CADPS: variants seen among roughly 807,000 people sequenced by gnomAD.
The protein encoded by CADPS is calcium-dependent secretion activator 1.
In CADPS, 57 loss-of-function variants were observed where a neutral mutation model predicts 167.3. The observed-to-expected ratio is 0.34, with a 90% CI of 0.28 to 0.42. The LOEUF is 0.42. Among genes scored for constraint, CADPS ranks in the 20% least tolerant of loss-of-function variants. The pLI, the probability that CADPS is intolerant of heterozygous loss-of-function variation, is 1.00. For synonymous variants in CADPS, 676 were observed against 635.3 expected, an observed-to-expected ratio of 1.06 and a Z score of -0.96; for missense variants, 1,414 against 1,738.1, an observed-to-expected ratio of 0.81 and a Z score of 3.32.
At chr3:62,467,649 A>T (rs1345609141) in intron 24 of CADPS, among the ~76,000 whole-genome samples, 1 of 152,172 alleles carries the variant, frequency 6.6e-6, no homozygotes, top group Non-Finnish European at 1.5e-5. Flanking sequence ...GTAAAAAACA[A>T]ACAAAAGAGA....
chr3:62,764,376 T>C (rs1258759974), intron 2 of CADPS, among the ~76,000 whole-genome samples: 1 of 152,178 alleles, frequency 6.6e-6, no homozygotes, highest in Non-Finnish European at 1.5e-5. Context: ...TTGACACTCA[T>C]TGGCGATAAT....
At chr3:62,731,845 A>C (rs2077949970) in intron 3 of CADPS, among the ~76,000 whole-genome samples, 1 of 148,292 alleles carries the variant, frequency 6.7e-6, no homozygotes, top group Non-Finnish European at 1.5e-5. Flanking sequence ...AGAAGGAAGA[A>C]AGGAAAGAAA....
intron 11 of CADPS, among the ~76,000 whole-genome samples, chr3:62,537,129 A>C (rs1050017186): frequency 6.6e-6 from 1 of 152,184 alleles, no homozygotes; most frequent in African/African-American, 2.4e-5. Flanking sequence ...CTGCAAAATT[A>C]AAAATAAAAA....
intron 3 of CADPS, among the ~76,000 whole-genome samples, chr3:62,672,221 G>C (rs1406233674): frequency 6.6e-6 from 1 of 151,956 alleles, no homozygotes; most frequent in East Asian, 1.9e-4. Flanking sequence ...GCCTCACCCT[G>C]GGACAGTTTT....
intron 10 of CADPS, chr3:62,550,965 C>G (rs1211267718): frequency 2.2e-6 from 1 of 454,422 alleles, no homozygotes; most frequent in Non-Finnish European, 4.4e-6. Flanking sequence ...TCTGGTGGCT[C>G]CTCCTCCTCC....
intron 1 of CADPS, among the ~76,000 whole-genome samples, chr3:62,808,266 T>G (rs969361257): frequency 1.2e-4 from 19 of 152,114 alleles, no homozygotes; most frequent in African/African-American, 4.6e-4. Context: ...ATTGCTAGCC[T>G]TATGAGAAAA....
In CADPS at chr3:62,478,531, A is replaced by T; in HGVS notation, c.3174-115T>A. 1 of 952,936 alleles carries T rather than the reference A, an allele frequency of 1.0e-6. No homozygotes were observed. Among genetic ancestry groups the T allele is most frequent in the Admixed American group, 2.5e-5 (1 of 40,426 alleles). The allele number at this position is 952,936 out of a possible 1,614,324, so 59.0% of individuals were successfully genotyped here. A position where few individuals can be genotyped will look rare whatever the true frequency, so the allele number is the denominator to read the frequency against. Reference sequence around the variant, plus strand: ...AAACAGCAGCTTCAACATACAAAACAACGTGTGTTGGCGGTGGAGGCGGGG... The same window carrying T: ...AAACAGCAGCTTCAACATACAAAACTACGTGTGTTGGCGGTGGAGGCGGGG... On this transcript the variant is annotated intron_variant, in intron 22 of 29. Coordinates refer to ENST00000383710, the MANE Select transcript of CADPS (RefSeq NM_003716.4). The surrounding 1 kb of genome is among the most constrained non-coding windows in gnomAD (Gnocchi z 5.7).
chr3:62,530,210 G>A (rs752920882), intron 13 of CADPS, among the ~76,000 whole-genome samples: 16 of 152,114 alleles, frequency 1.1e-4, no homozygotes, highest in Non-Finnish European at 2.1e-4. Flanking sequence ...AGAACTAATA[G>A]GTATTTGCTG....
chr3:62,716,119 G>C (rs555329966), intron 3 of CADPS, among the ~76,000 whole-genome samples: 1 of 152,128 alleles, frequency 6.6e-6, no homozygotes, highest in African/African-American at 2.4e-5. Context: ...GAATGTAGTG[G>C]CATGATCTTG....
At chr3:62,870,558 G>C (rs1283914831) in intron 1 of CADPS, among the ~76,000 whole-genome samples, 1 of 152,120 alleles carries the variant, frequency 6.6e-6, no homozygotes, top group Non-Finnish European at 1.5e-5. Context: ...GAATCATACA[G>C]AAATGAGTAG....
chr3:62,492,580 A>G, intron 19 of CADPS, 134 bp from the exon 20 acceptor site: 1 of 883,416 alleles, frequency 1.1e-6, no homozygotes, highest in Non-Finnish European at 1.8e-6. Context: ...TATTGTAAAG[A>G]GAACAGAATT....
intron 17 of CADPS, among the ~76,000 whole-genome samples, chr3:62,501,179 T>G (rs1236388387): frequency 1.3e-5 from 2 of 152,138 alleles, no homozygotes; most frequent in Non-Finnish European, 2.9e-5. Flanking sequence ...TCAGAATAAG[T>G]AGATGTGGGA....
At chr3:62,658,003 G>C (rs1304273401) in intron 4 of CADPS, among the ~76,000 whole-genome samples, 1 of 152,118 alleles carries the variant, frequency 6.6e-6, no homozygotes, top group African/African-American at 2.4e-5. Context: ...AAGCTGCAGG[G>C]AACACACAGC....
In CADPS at chr3:62,544,774, A is replaced by G; in HGVS notation, c.1966+5129T>C. On this transcript the variant is annotated intron_variant, in intron 11 of 29. Transcript: ENST00000383710. The surrounding 1 kb of genome is among the most constrained non-coding windows in gnomAD (Gnocchi z 4.4). ...TAGACATGAGGAAGATTTAAGGGGGAGGGAAGCACATTGCAGGTGTCAGAT... is the reference window on the plus strand; with the variant it reads ...TAGACATGAGGAAGATTTAAGGGGGGGGGAAGCACATTGCAGGTGTCAGAT... 4.3e-6 allele frequency: 3 copies of G among 689,724 alleles called. No individual in the cohort carries two copies. The highest frequency in any genetic ancestry group is 5.1e-5 in the Admixed American group (1 of 19,730). The allele number at this position is 689,724 out of a possible 1,614,324, so 42.7% of individuals were successfully genotyped here.
intron 1 of CADPS, among the ~76,000 whole-genome samples, chr3:62,780,915 A>G (rs114062730): frequency 2.9e-3 from 449 of 152,320 alleles, no homozygotes; most frequent in African/African-American, 0.011. Context: ...GACAATATAT[A>G]AGGGACTTAT....
intron 1 of CADPS, among the ~76,000 whole-genome samples, chr3:62,781,191 T>G (rs2091511603): frequency 6.6e-6 from 1 of 152,186 alleles, no homozygotes; most frequent in South Asian, 2.1e-4. Context: ...AGACTTGTCC[T>G]AGGGCAGACT....
intron 11 of CADPS, among the ~76,000 whole-genome samples, chr3:62,537,968 G>A (rs1292069863): frequency 2.0e-5 from 3 of 152,110 alleles, no homozygotes; most frequent in Non-Finnish European, 4.4e-5. Flanking sequence ...GAGATGTGGC[G>A]TTTATGCCCA....
At chr3:62,862,742 A>T (rs1209406706) in intron 1 of CADPS, among the ~76,000 whole-genome samples, 3 of 152,228 alleles carry the variant, frequency 2.0e-5, no homozygotes, top group Admixed American at 2.0e-4. Context: ...TAAAATAAAG[A>T]TTACATAAAA....
chr3:62,403,059 G>A (rs373772570), intron 29 of CADPS, 22 bp downstream of exon 29: 1 of 1,440,426 alleles, frequency 6.9e-7, no homozygotes, highest in Non-Finnish European at 9.7e-7. Context: ...TTGCAAAGAA[G>A]AATAATAATC....
Sources: gnomAD v4.1 joint callset for allele counts (sites outside exome capture counted in the v4.1 genomes callset) on GRCh38, gnomAD v4.1.1 for gene constraint, Gnocchi (gnomAD v3.1) non-coding constraint, MANE v1.5 for transcripts, NCBI Gene and HGNC (gene_info 2026-07-23, HGNC 2026-07-21) for gene names.